The following ADD3 variants were observed in gnomAD, a reference collection of about 807,000 sequenced individuals.
ADD3 encodes the protein gamma-adducin.
ADD3 carries 25 observed loss-of-function variants against 80.2 expected under a neutral mutation model. That is an observed-to-expected ratio of 0.31 (90% CI 0.23 to 0.44). The LOEUF (loss-of-function observed/expected upper bound fraction) is 0.44, where lower values mean the gene tolerates loss of function less well. Ranked by LOEUF, ADD3 falls within the 20% of genes least tolerant of loss-of-function variation. The pLI, the probability that ADD3 is intolerant of heterozygous loss-of-function variation, is 1.00. For missense variants in ADD3, 829 were observed against 847.5 expected (o/e 0.98, Z 0.27); for synonymous variants, 284 against 289.6 (o/e 0.98, Z 0.20).
intron 1 of ADD3, among the ~76,000 whole-genome samples, chr10:110,091,968 A>C (rs1847571529): frequency 6.6e-6 from 1 of 152,220 alleles, no homozygotes; most frequent in South Asian, 2.1e-4. Context: ...CACACAAGTC[A>C]ACATGCATAT....
intron 1 of ADD3, among the ~76,000 whole-genome samples, chr10:110,099,351 C>G (rs1481946809): frequency 2.6e-5 from 4 of 151,808 alleles, no homozygotes; most frequent in African/African-American, 9.7e-5. Flanking sequence ...ATCAATCTTA[C>G]TCTCCTCTCT....
intron 1 of ADD3, among the ~76,000 whole-genome samples, chr10:110,093,754 T>C (rs1590088238): frequency 6.6e-6 from 1 of 152,334 alleles, no homozygotes; most frequent in East Asian, 1.9e-4. Context: ...ATACTCTTTG[T>C]CTTTATGCAT....
chr10:110,050,944 A>G (rs549201399), intron 1 of ADD3, among the ~76,000 whole-genome samples: 1 of 152,350 alleles, frequency 6.6e-6, no homozygotes, highest in South Asian at 2.1e-4. Flanking sequence ...GTTGGAGTAT[A>G]AGTTGGTGTT....
chr10:110,052,069 G>A (rs1324666148), intron 1 of ADD3, among the ~76,000 whole-genome samples: 1 of 152,174 alleles, frequency 6.6e-6, no homozygotes, highest in African/African-American at 2.4e-5. Context: ...AAGGTGTTGA[G>A]ATTACAGGTG....
chr10:110,017,527 G>T (rs1185871962), intron 1 of ADD3, among the ~76,000 whole-genome samples: 1 of 152,160 alleles, frequency 6.6e-6, no homozygotes, highest in Non-Finnish European at 1.5e-5. Context: ...AAGAGTTACT[G>T]AAGAGGTTTT....
intron 1 of ADD3, among the ~76,000 whole-genome samples, chr10:110,018,488 A>G (rs866845872): frequency 3.6e-5 from 5 of 138,496 alleles, no homozygotes; most frequent in Middle Eastern, 4.1e-3. Context: ...AGATCACGCC[A>G]TTGCACTCTA....
intron 1 of ADD3, among the ~76,000 whole-genome samples, chr10:110,077,939 G>A (rs1226144977): frequency 1.3e-5 from 2 of 152,120 alleles, no homozygotes; most frequent in Admixed American, 6.5e-5. Context: ...TCTGGTGTGT[G>A]GTCATGTGTA....
intron 1 of ADD3, among the ~76,000 whole-genome samples, chr10:110,037,322 A>G (rs1855776422): frequency 6.6e-6 from 1 of 152,182 alleles, no homozygotes; most frequent in African/African-American, 2.4e-5. Context: ...TAAGTTGTAT[A>G]GACCAGGCAG....
At chr10:110,106,027 G>C (rs1388565471) in intron 2 of ADD3, 1 of 152,082 alleles carries the variant, frequency 6.6e-6, no homozygotes, top group Non-Finnish European at 1.5e-5. Context: ...TTCCAAATGA[G>C]TACATTTCTT....
intron 1 of ADD3, among the ~76,000 whole-genome samples, chr10:110,079,820 C>T (rs1590026521): frequency 6.6e-6 from 1 of 152,262 alleles, no homozygotes; most frequent in South Asian, 2.1e-4. Flanking sequence ...GGATTGCAGG[C>T]GTGAGCCACT....
At chr10:110,122,743 TC>T (rs1203984537) in intron 9 of ADD3, among the ~76,000 whole-genome samples, 4 of 152,046 alleles carry the variant, frequency 2.6e-5, no homozygotes, top group Admixed American at 2.0e-4. Context: ...CACCTCAGCC[TC>T]CTGTGTATCT....
intron 1 of ADD3, among the ~76,000 whole-genome samples, chr10:110,013,352 C>T (rs964143056): frequency 1.2e-4 from 18 of 152,192 alleles, no homozygotes; most frequent in African/African-American, 3.9e-4. Context: ...TTCCTCCCCG[C>T]TCGGCTACCC....
chr10:110,083,516 A>C (rs1020908765), intron 1 of ADD3, among the ~76,000 whole-genome samples: 1 of 128,102 alleles, frequency 7.8e-6, no homozygotes, highest in Admixed American at 7.4e-5. Context: ...ACTCCGTCTC[A>C]AAAAAAAAAA....
intron 1 of ADD3, among the ~76,000 whole-genome samples, chr10:110,081,880 G>C (rs73351035): frequency 6.6e-6 from 1 of 152,316 alleles, no homozygotes; most frequent in African/African-American, 2.4e-5. Context: ...GCTGTCTACA[G>C]GATGTTGAAC....
chr10:110,043,666 T>A (rs1856609570), intron 1 of ADD3, among the ~76,000 whole-genome samples: 1 of 152,212 alleles, frequency 6.6e-6, no homozygotes, highest in African/African-American at 2.4e-5. Flanking sequence ...ATTTTCAAAT[T>A]ATTGCATCAG....
intron 2 of ADD3, among the ~76,000 whole-genome samples, chr10:110,105,746 A>G (rs1412614792): frequency 1.3e-5 from 2 of 152,210 alleles, no homozygotes; most frequent in African/African-American, 2.4e-5. Flanking sequence ...AGGCATATAC[A>G]TTTTAGGATA....
At chr10:110,032,326 GT>G (rs1855141705) in intron 1 of ADD3, among the ~76,000 whole-genome samples, 1 of 152,184 alleles carries the variant, frequency 6.6e-6, no homozygotes, top group Non-Finnish European at 1.5e-5. Context: ...TAGAATAGAT[GT>G]GATCACAAAT....
chr10:110,015,353 C>G (rs1434364177), intron 1 of ADD3, among the ~76,000 whole-genome samples: 1 of 151,216 alleles, frequency 6.6e-6, no homozygotes, highest in Non-Finnish European at 1.5e-5. Flanking sequence ...TAGAGCTGCA[C>G]TAATTTTCAT....
chr10:110,115,049 A>T (rs1234270076), intron 3 of ADD3, among the ~76,000 whole-genome samples: 1 of 147,700 alleles, frequency 6.8e-6, no homozygotes, highest in Non-Finnish European at 1.5e-5. Flanking sequence ...ACTGCATTGC[A>T]GCCTGGGTGA....
Sources: allele counts gnomAD v4.1 joint callset (sites outside exome capture counted in the v4.1 genomes callset), GRCh38; gene constraint gnomAD v4.1.1; transcripts MANE v1.5; gene names NCBI Gene and HGNC (gene_info 2026-07-23, HGNC 2026-07-21).